The following FRS2 variants were observed in gnomAD, a reference collection of about 807,000 sequenced individuals.
The protein encoded by FRS2 is fibroblast growth factor receptor substrate 2.
In FRS2, 8 loss-of-function variants were observed where a neutral mutation model predicts 43.9. That is an observed-to-expected ratio of 0.18 (90% CI 0.11 to 0.33). FRS2 has a LOEUF of 0.33. Ranked by LOEUF, FRS2 falls within the 10% of genes least tolerant of loss-of-function variation. FRS2 has a pLI of 1.00. For missense variants in FRS2, 534 were observed against 627.6 expected, an observed-to-expected ratio of 0.85 and a Z score of 1.59; for synonymous variants, 219 against 220.3, an observed-to-expected ratio of 0.99 and a Z score of 0.05.
At position 69,560,328 on chromosome 12, in the gene FRS2, G is replaced by C. The variant is rs528067569; in HGVS notation, c.-121-1852G>C. On this transcript the variant is annotated intron_variant, in intron 3 of 8. Coordinates refer to ENST00000549921, the MANE Select transcript of FRS2 (RefSeq NM_001278356.2). ...GTTTTCATAGTAGCTCTGTGAAGTGGGTGTCCTAATCTTACAAATGAGGGA... is the reference window on the plus strand; with the variant it reads ...GTTTTCATAGTAGCTCTGTGAAGTGCGTGTCCTAATCTTACAAATGAGGGA... Among the ~76,000 whole-genome samples the C allele has an allele frequency of 5.9e-5, 9 of 152,118 alleles. No homozygotes were observed. The South Asian group carries it at 1.7e-3, about 28-fold the overall frequency.
At position 69,574,913 on chromosome 12, in the gene FRS2, A is replaced by C. The variant is rs1463425052; in HGVS notation, c.1485A>C (p.Thr495=). Residue 495 remains threonine, a synonymous_variant, in exon 9 of 9, where the codon ACA becomes ACC. Coordinates refer to ENST00000549921, the MANE Select transcript of FRS2 (RefSeq NM_001278356.2). The part of the protein sequence containing the change: ...LQKALPRDDG[T]SRKTRHNSTD... ...AAGCACTGCCACGAGATGATGGTAC[A>C]TCTAGGAAAACTAGACACAATAGTA... 1.9e-6 allele frequency: 3 copies of C among 1,613,500 alleles called. No individual in the cohort carries two copies. Among genetic ancestry groups the C allele is most frequent in the Admixed American group, 1.7e-5 (1 of 60,034 alleles).
Position 69,499,636 on chromosome 12 carries a change from T to G in FRS2, c.-261+29106T>G, listed in dbSNP as rs188621680. On this transcript the variant is annotated intron_variant, in intron 1 of 8. Transcript: ENST00000549921. ...ACATTCTAAAATAAGATGATTTTAT[T>G]TGCACACATGATTTTATTTGTGGAA... Among the ~76,000 whole-genome samples, 177 of 152,224 alleles carry G rather than the reference T, an allele frequency of 1.2e-3. 3 individuals are homozygous for G. The highest frequency in any genetic ancestry group is 5.3e-3 in the Admixed American group (81 of 15,302).
intron 1 of FRS2, among the ~76,000 whole-genome samples, chr12:69,493,241 C>G (rs1872614160): frequency 6.6e-6 from 1 of 152,186 alleles, no homozygotes; most frequent in Non-Finnish European, 1.5e-5. Flanking sequence ...TATGCTTGAG[C>G]TCAGCCTTTT....
At chr12:69,565,736 A>G (rs1880241043) in intron 4 of FRS2, among the ~76,000 whole-genome samples, 1 of 152,174 alleles carries the variant, frequency 6.6e-6, no homozygotes, top group South Asian at 2.1e-4. Context: ...CTTCAGGGGC[A>G]ATAACATGGA....
chr12:69,503,358 G>C (rs1303303695), intron 1 of FRS2, among the ~76,000 whole-genome samples: 2 of 152,058 alleles, frequency 1.3e-5, no homozygotes, highest in Non-Finnish European at 2.9e-5. Context: ...GTTAGTTCAG[G>C]ATTATCCAGC....
At chr12:69,511,073 T>C (rs1874410404) in intron 1 of FRS2, among the ~76,000 whole-genome samples, 2 of 152,214 alleles carry the variant, frequency 1.3e-5, no homozygotes, top group South Asian at 2.1e-4. Flanking sequence ...TTTAAACATA[T>C]AGAGATACTT....
chr12:69,547,945 T>G (rs1450210418), intron 3 of FRS2, among the ~76,000 whole-genome samples: 1 of 147,820 alleles, frequency 6.8e-6, no homozygotes, highest in Admixed American at 7.1e-5. Flanking sequence ...GCTCAAGGGA[T>G]CCTTCCATCT....
chr12:69,512,344 T>G (rs1391164618), intron 1 of FRS2, among the ~76,000 whole-genome samples: 1 of 152,196 alleles, frequency 6.6e-6, no homozygotes, highest in Admixed American at 6.6e-5. Flanking sequence ...TAGCTCTGCT[T>G]CTTCTAGGCT....
intron 1 of FRS2, among the ~76,000 whole-genome samples, chr12:69,473,443 T>C (rs182270628): frequency 6.6e-6 from 1 of 152,250 alleles, no homozygotes; most frequent in Admixed American, 6.5e-5. Flanking sequence ...AAGAGAATGA[T>C]GTGAGCAGAA....
intron 3 of FRS2, among the ~76,000 whole-genome samples, chr12:69,536,917 A>C (rs182975479): frequency 6.6e-6 from 1 of 152,116 alleles, no homozygotes; most frequent in East Asian, 1.9e-4. Flanking sequence ...CTATTTATCC[A>C]ATTCTTCCTC....
chr12:69,475,987 A>G (rs1870729159), intron 1 of FRS2, among the ~76,000 whole-genome samples: 1 of 152,098 alleles, frequency 6.6e-6, no homozygotes, highest in Non-Finnish European at 1.5e-5. Flanking sequence ...TGTTTTTTAA[A>G]TGTCCTTGGC....
Position 69,570,344 on chromosome 12 carries a change from A to G in FRS2, c.80A>G (p.Asp27Gly), listed in dbSNP as rs1880645779. 2 of 1,613,268 alleles carry G rather than the reference A, an allele frequency of 1.2e-6. No individual in the cohort carries two copies. Among genetic ancestry groups the G allele is most frequent in the Non-Finnish European group, 1.7e-6 (2 of 1,179,310 alleles). The change falls in exon 6 of 9, where the codon GAT (aspartate) becomes GGT (glycine). Residue 27 changes from aspartate to glycine, a missense_variant. Coordinates refer to ENST00000549921, the MANE Select transcript of FRS2 (RefSeq NM_001278356.2). Reference protein sequence around the residue: ...HRNKFKVINVDDDGNELGSGI... With the variant: ...HRNKFKVINVGDDGNELGSGI... ...TTCTTTTTTTAGGTCATTAATGTGG[A>G]TGATGATGGGAATGAGTTAGGTTCT...
At chr12:69,552,302 CAAAA>C (rs35353764) in intron 3 of FRS2, among the ~76,000 whole-genome samples, 3 of 51,362 alleles carry the variant, frequency 5.8e-5, no homozygotes, top group African/African-American at 1.7e-4. Context: ...AACTCCGTCT[CAAAA>C]AAAAAAAAAA....
At chr12:69,510,210 C>T (rs1343201702) in intron 1 of FRS2, among the ~76,000 whole-genome samples, 1 of 152,174 alleles carries the variant, frequency 6.6e-6, no homozygotes, top group Non-Finnish European at 1.5e-5. Context: ...GAGAGAGAAA[C>T]TTATAGCCAG....
intron 3 of FRS2, among the ~76,000 whole-genome samples, chr12:69,543,349 T>A (rs1842800654): frequency 6.6e-6 from 1 of 152,264 alleles, no homozygotes; most frequent in Non-Finnish European, 1.5e-5. Context: ...TTGCTATTTT[T>A]AAACAATATC....
intron 1 of FRS2, among the ~76,000 whole-genome samples, 175 bp downstream of exon 1, chr12:69,470,705 C>G (rs182559892): frequency 7.1e-6 from 1 of 141,332 alleles, no homozygotes; most frequent in East Asian, 2.5e-4. Context: ...GAAGAGCTGG[C>G]TGTGGGTCCA....
intron 3 of FRS2, among the ~76,000 whole-genome samples, chr12:69,543,588 G>A (rs1878107226): frequency 6.6e-6 from 1 of 151,408 alleles, no homozygotes; most frequent in South Asian, 2.1e-4. Context: ...AGAGGAAAAG[G>A]GTGTAGCATC....
intron 1 of FRS2, among the ~76,000 whole-genome samples, chr12:69,478,640 G>A (rs1240143013): frequency 6.6e-6 from 1 of 151,742 alleles, no homozygotes; most frequent in Admixed American, 6.6e-5. Flanking sequence ...TAAATTTTTG[G>A]GGAGGAGCCA....
In FRS2 at chr12:69,483,817, A is replaced by G. The variant is rs141447043; in HGVS notation, c.-261+13287A>G. 5.8e-3 allele frequency among the ~76,000 whole-genome samples: 885 copies of G among 152,288 alleles called. 8 individuals carry two copies. The highest frequency in any genetic ancestry group is 0.021 in the African/African-American group (852 of 41,548). ...CCAGGTATGATTTTTGAGTCAAAGG[A>G]TATGAGAGTTTTTTAATCTTGAAAT... On this transcript the variant is annotated intron_variant, in intron 1 of 8. Transcript: ENST00000549921.
Sources: gnomAD v4.1 joint callset for allele counts (sites outside exome capture counted in the v4.1 genomes callset) on GRCh38, gnomAD v4.1.1 for gene constraint, MANE v1.5 for transcripts, NCBI Gene and HGNC (gene_info 2026-07-23, HGNC 2026-07-21) for gene names.